PTER: variants seen among roughly 807,000 people sequenced by gnomAD.
PTER encodes the protein phosphotriesterase related, also known as N-acetyltaurine hydrolase.
A neutral mutation model predicts 29.6 loss-of-function variants in PTER; 38 were observed. The ratio of observed to expected loss-of-function variants is 1.28; its 90% confidence interval spans 0.99 to 1.68. PTER has a LOEUF of 1.68. PTER is among the 40% of genes most tolerant of loss of function. PTER has a pLI of 0.00. For missense variants in PTER, 482 were observed against 427.8 expected (o/e 1.13, Z -1.12); for synonymous variants, 172 against 154.5 (o/e 1.11, Z -0.84).
chr10:16,484,511 TG>T lies in PTER; in HGVS notation c.128del (p.Cys43SerfsTer11). 1 of 1,614,108 alleles carries T rather than the reference TG, an allele frequency of 6.2e-7. No individual in the cohort carries two copies. Reference sequence around the variant, plus strand: ...CTGCTGTTACTGTCCACCTCCCCCGTGCCAGGAAGCTATTTCCAAAGAACCT... The same window carrying T: ...CTGCTGTTACTGTCCACCTCCCCCGTCCAGGAAGCTATTTCCAAAGAACCT... ...FDCCYCPPPP[C>X]QEAISKEPIV... On this transcript the variant is annotated frameshift_variant, in exon 2 of 5. Transcript: ENST00000535784. LOFTEE classifies it high-confidence loss of function.
chr10:16,514,777 T>G (rs1836922818), downstream of PTER: 1 of 1,183,492 alleles, frequency 8.4e-7, no homozygotes, highest in African/African-American at 1.5e-5. Context: ...GCCATTCATG[T>G]AGCATCACAA....
At chr10:16,441,987 G>A (rs1392923200) in intron 1 of PTER, among the ~76,000 whole-genome samples, 1 of 152,068 alleles carries the variant, frequency 6.6e-6, no homozygotes, top group Non-Finnish European at 1.5e-5. Flanking sequence ...TGTTAAAAGA[G>A]TAATTATTAG....
intron 2 of PTER, among the ~76,000 whole-genome samples, chr10:16,485,197 T>TC (rs1835649622): frequency 6.6e-6 from 1 of 152,228 alleles, no homozygotes; most frequent in Non-Finnish European, 1.5e-5. Flanking sequence ...CGATTTTTTT[T>TC]CACCCTGGAT....
At chr10:16,470,343 C>A (rs901425047) in intron 1 of PTER, among the ~76,000 whole-genome samples, 1 of 152,246 alleles carries the variant, frequency 6.6e-6, no homozygotes, top group Non-Finnish European at 1.5e-5. Flanking sequence ...GGACTCTTAT[C>A]TATCTTTGTA....
intron 1 of PTER, among the ~76,000 whole-genome samples, chr10:16,469,297 T>C (rs7096230): frequency 0.027 from 4,072 of 152,238 alleles, 183 homozygotes; most frequent in African/African-American, 0.092. Flanking sequence ...AGTGGGTTCA[T>C]AGGGTACTAT....
intron 4 of PTER, among the ~76,000 whole-genome samples, chr10:16,510,105 C>T (rs956360540): frequency 6.6e-6 from 1 of 152,160 alleles, no homozygotes; most frequent in Admixed American, 6.5e-5. Flanking sequence ...GCCAAAAAAA[C>T]TATTCAGAGA....
intron 1 of PTER, among the ~76,000 whole-genome samples, chr10:16,451,746 G>A (rs1217750376): frequency 6.6e-6 from 1 of 152,194 alleles, no homozygotes; most frequent in African/African-American, 2.4e-5. Flanking sequence ...AAATTGGACA[G>A]TAGTTTTCTC....
intron 1 of PTER, among the ~76,000 whole-genome samples, chr10:16,466,016 G>T (rs1834799539): frequency 6.6e-6 from 1 of 152,082 alleles, no homozygotes; most frequent in African/African-American, 2.4e-5. Context: ...GGGATTATGG[G>T]GATTACAATT....
At chr10:16,493,720 G>T (rs1175309650) in intron 3 of PTER, among the ~76,000 whole-genome samples, 1 of 152,042 alleles carries the variant, frequency 6.6e-6, no homozygotes, top group Non-Finnish European at 1.5e-5. Flanking sequence ...ATGGAAGGAA[G>T]GGGAGGGAGG....
At chr10:16,504,252 T>C (rs1836474735) in intron 3 of PTER, among the ~76,000 whole-genome samples, 1 of 152,208 alleles carries the variant, frequency 6.6e-6, no homozygotes, top group Non-Finnish European at 1.5e-5. Context: ...ACTCTTGCTC[T>C]GTACTCTACG....
At chr10:16,437,095 A>T (rs1457179771) in intron 1 of PTER, 48 bp downstream of exon 1, 1 of 152,300 alleles carries the variant, frequency 6.6e-6, no homozygotes, top group African/African-American at 2.4e-5. Context: ...TGGGCCCAGT[A>T]GGAAGAGTGG....
intron 1 of PTER, among the ~76,000 whole-genome samples, chr10:16,467,803 A>AAAAC (rs397780387): frequency 6.6e-6 from 1 of 151,416 alleles, no homozygotes; most frequent in African/African-American, 2.4e-5. Flanking sequence ...TTATGTCTCA[A>AAAAC]TAATAATAGT....
At chr10:16,501,367 A>G (rs964641038) in intron 3 of PTER, among the ~76,000 whole-genome samples, 85 of 42,558 alleles carry the variant, frequency 2.0e-3, no homozygotes, top group South Asian at 0.015. Flanking sequence ...ACACACACAC[A>G]CATGCACACA....
In PTER at chr10:16,508,289, T is replaced by C. The variant is rs368079085; in HGVS notation, c.840-2757T>C. Among the ~76,000 whole-genome samples the C allele has an allele frequency of 1.3e-3, 205 of 152,138 alleles. 2 individuals carry two copies. Among genetic ancestry groups the C allele is most frequent in the Middle Eastern group, 6.8e-3 (2 of 294 alleles). On this transcript the variant is annotated intron_variant, in intron 4 of 4. Transcript: ENST00000535784. ...TTCACCGTGTTAGCCAGGATGGTCT[T>C]GATCTCCTGACCTCGTGATCCGCCC...
chr10:16,473,547 A>AAAAAAC (rs1835141577), intron 1 of PTER, among the ~76,000 whole-genome samples: 1 of 141,240 alleles, frequency 7.1e-6, no homozygotes, highest in Admixed American at 7.4e-5. Flanking sequence ...AAAAAAAAAA[A>AAAAAAC]CAGTTAGTTC....
downstream of PTER, among the ~76,000 whole-genome samples, chr10:16,516,747 A>T (rs765341958): frequency 6.6e-6 from 1 of 152,182 alleles, no homozygotes; most frequent in Non-Finnish European, 1.5e-5. Flanking sequence ...GAACGTCACC[A>T]TTTTTATTCA....
At chr10:16,505,250 A>G in intron 4 of PTER, 90 bp downstream of exon 4, 1 of 1,504,312 alleles carries the variant, frequency 6.6e-7, no homozygotes, top group Non-Finnish European at 9.0e-7. Context: ...GATTCAGAAA[A>G]CAGTAAGCAG....
At chr10:16,441,143 G>C (rs112028763) in intron 1 of PTER, among the ~76,000 whole-genome samples, 1 of 152,218 alleles carries the variant, frequency 6.6e-6, no homozygotes, top group African/African-American at 2.4e-5. Flanking sequence ...ATAGGTAAAG[G>C]CTGTATGCCT....
intron 1 of PTER, among the ~76,000 whole-genome samples, chr10:16,439,813 T>G (rs1564381293): frequency 1.3e-5 from 2 of 152,160 alleles, no homozygotes; most frequent in Non-Finnish European, 2.9e-5. Context: ...TCTTCCCACC[T>G]CGGCCTCCCA....
Sources: gnomAD v4.1 joint callset for allele counts (sites outside exome capture counted in the v4.1 genomes callset) on GRCh38, gnomAD v4.1.1 for gene constraint, MANE v1.5 for transcripts, NCBI Gene and HGNC (gene_info 2026-07-23, HGNC 2026-07-21) for gene names.